The following NT5DC1 variants were observed in gnomAD, a reference collection of about 807,000 sequenced individuals.
NT5DC1 encodes 5'-nucleotidase domain containing 1, also known as 5'-nucleotidase domain-containing protein 1.
In NT5DC1, 42 loss-of-function variants were observed where a neutral mutation model predicts 59.4. The ratio of observed to expected loss-of-function variants is 0.71; its 90% CI spans 0.55 to 0.92. NT5DC1 has a LOEUF of 0.92. NT5DC1 is among the 40% of genes least tolerant of loss of function. The pLI is 0.00. For synonymous variants in NT5DC1, 172 were observed against 188.1 expected (o/e 0.91, Z 0.70); for missense variants, 501 against 537.1 (o/e 0.93, Z 0.66).
intron 6 of NT5DC1, among the ~76,000 whole-genome samples, chr6:116,198,954 T>G (rs1781289303): frequency 6.6e-6 from 1 of 152,024 alleles, no homozygotes; most frequent in South Asian, 2.1e-4. Flanking sequence ...TATTTATTCC[T>G]TTAGCTACCT....
rs950158721 is a variant in NT5DC1 at position 116,249,465 on chromosome 6, A to T, written c.*5441A>T. On this transcript the variant is annotated 3_prime_UTR_variant, in exon 12 of 12. Transcript: ENST00000319550. ...GTAATTGCTGCTATACAGCAAAACT[A>T]TCATTACCGGTAATTAAAGTTGTGA... 6.6e-6 allele frequency: 1 copy of T among 152,240 alleles called. No homozygotes were observed. The highest frequency in any genetic ancestry group is 1.5e-5 in the Non-Finnish European group (1 of 68,036). 9.4% of individuals were successfully genotyped at this position (152,240 alleles called of 1,614,324 possible).
At chr6:116,172,759 T>C (rs1364094556) in intron 6 of NT5DC1, among the ~76,000 whole-genome samples, 1 of 152,246 alleles carries the variant, frequency 6.6e-6, no homozygotes, top group African/African-American at 2.4e-5. Context: ...CTTTATGTAC[T>C]CAGGCATCAA....
chr6:116,133,744 A>G (rs1044542544), intron 6 of NT5DC1, among the ~76,000 whole-genome samples: 1 of 152,204 alleles, frequency 6.6e-6, no homozygotes, highest in Non-Finnish European at 1.5e-5. Flanking sequence ...TCTTCCTGCC[A>G]TCCCTGGTTC....
chr6:116,200,724 G>A (rs187969971), intron 6 of NT5DC1, among the ~76,000 whole-genome samples: 21 of 151,970 alleles, frequency 1.4e-4, no homozygotes, highest in Admixed American at 9.2e-4. Flanking sequence ...TGTCCTTATG[G>A]ATCGTACTTC....
chr6:116,206,066 G>T (rs1422236671), intron 6 of NT5DC1, among the ~76,000 whole-genome samples: 2 of 151,936 alleles, frequency 1.3e-5, no homozygotes, highest in African/African-American at 4.8e-5. Context: ...GAACCACCCT[G>T]CCTCCTGCTC....
rs2024995 is a variant in NT5DC1, at chr6:116,125,235, G to A, written c.529+7290G>A. On this transcript the variant is annotated intron_variant, in intron 6 of 11. Transcript: ENST00000319550. ...AATAATTTGGGCTAATTCAGAAGTT[G>A]GAAAGTAACACCAAAGTTAAATGCA... is the stretch of plus-strand genomic sequence containing the variant. The A allele has an allele frequency of 6.1e-3, 8,086 of 1,332,582 alleles. 393 individuals are homozygous for A. In the African/African-American group the frequency reaches 0.1, roughly 17 times the overall value. 82.5% of individuals were successfully genotyped at this position (1,332,582 alleles called of 1,614,324 possible). A position where few individuals can be genotyped will look rare whatever the true frequency, so the allele number is the denominator to read the frequency against.
intron 6 of NT5DC1, among the ~76,000 whole-genome samples, chr6:116,195,063 A>G (rs1427033761): frequency 6.6e-6 from 1 of 152,064 alleles, no homozygotes; most frequent in East Asian, 1.9e-4. Flanking sequence ...TTTGACTTCT[A>G]GGTAGCATGA....
chr6:116,229,262 A>G (rs1781962953), intron 8 of NT5DC1, among the ~76,000 whole-genome samples: 1 of 152,102 alleles, frequency 6.6e-6, no homozygotes, highest in Non-Finnish European at 1.5e-5. Context: ...CTGTTTTCTC[A>G]GGTTTGTCCT....
intron 6 of NT5DC1, among the ~76,000 whole-genome samples, chr6:116,161,395 A>G (rs150371578): frequency 0.013 from 2,019 of 152,202 alleles, 40 homozygotes; most frequent in African/African-American, 0.044. Context: ...AGATAAAAAT[A>G]AAATTATATA....
At position 116,207,670 on chromosome 6, in the gene NT5DC1, A is replaced by G. The variant is rs935884760; in HGVS notation, c.530-13384A>G. The stretch of plus-strand genomic sequence containing the variant: ...CAAAAATAAGACCAAAGAAGAAAAA[A>G]GAGGAATTTAGATGGTTAAAAGCCC... On this transcript the variant is annotated intron_variant, in intron 6 of 11. Coordinates refer to ENST00000319550, the MANE Select transcript of NT5DC1 (RefSeq NM_152729.3). Among the ~76,000 whole-genome samples, 4 of 151,958 alleles carry G rather than the reference A, an allele frequency of 2.6e-5. No homozygotes were observed. In the East Asian group the frequency reaches 5.8e-4, roughly 22 times the overall value.
Position 116,120,481 on chromosome 6 carries a change from C to G in NT5DC1, c.529+2536C>G, listed in dbSNP as rs778694592. The G allele has an allele frequency of 5.6e-6, 9 of 1,614,112 alleles. No homozygotes were observed. In the African/African-American group the frequency reaches 1.2e-4, roughly 22 times the overall value. On this transcript the variant is annotated intron_variant, in intron 6 of 11. Transcript: ENST00000319550. ...AAGCAGACACAGGCATTCCTGTTAC[C>G]CCCTGGTTGGCACTAACAAGAGGGG...
At chr6:116,236,400 G>A (rs1047861851) in intron 8 of NT5DC1, among the ~76,000 whole-genome samples, 5 of 152,168 alleles carry the variant, frequency 3.3e-5, no homozygotes, top group Non-Finnish European at 7.4e-5. Flanking sequence ...GGAGTAGGAA[G>A]GTAATGTGCT....
chr6:116,151,185 C>T lies in NT5DC1; in HGVS notation c.529+33240C>T, dbSNP rs73772289. The stretch of plus-strand genomic sequence containing the variant: ...GCTATCTAGCCCATATTCCTGCCAA[C>T]TTCAGTGCCTGCACCATCACTTATA... On this transcript the variant is annotated intron_variant, in intron 6 of 11. Coordinates refer to ENST00000319550, the MANE Select transcript of NT5DC1 (RefSeq NM_152729.3). Among the ~76,000 whole-genome samples the T allele has an allele frequency of 2.0e-3, 304 of 152,288 alleles. 1 individual carries two copies. Among genetic ancestry groups the T allele is most frequent in the African/African-American group, 7.2e-3 (298 of 41,544 alleles).
intron 8 of NT5DC1, among the ~76,000 whole-genome samples, chr6:116,224,207 A>G (rs1781864617): frequency 6.6e-6 from 1 of 152,212 alleles, no homozygotes; most frequent in Non-Finnish European, 1.5e-5. Context: ...TGGATTTAAT[A>G]CATTTATTTA....
In NT5DC1 at chr6:116,120,029, G is replaced by A. The variant is rs776184559; in HGVS notation, c.529+2084G>A. The A allele has an allele frequency of 1.2e-5, 19 of 1,525,856 alleles. No homozygotes were observed. In the Admixed American group the frequency reaches 3.0e-4, roughly 24 times the overall value. 94.5% of individuals were successfully genotyped at this position (1,525,856 alleles called of 1,614,324 possible). ...TTTTGTAGGGTGGGGTAGAGTTAGA[G>A]AATGCTTTTTCTAGCACAAGATTTA... On this transcript the variant is annotated intron_variant, in intron 6 of 11. Transcript: ENST00000319550.
intron 8 of NT5DC1, among the ~76,000 whole-genome samples, chr6:116,230,322 A>G (rs999652986): frequency 1.1e-4 from 16 of 152,240 alleles, no homozygotes; most frequent in Admixed American, 2.6e-4. Flanking sequence ...TCCTAAGGCT[A>G]ATTGTACAGT....
At chr6:116,159,948 T>TGTCCAAAAAAAC (rs1780289249) in intron 6 of NT5DC1, among the ~76,000 whole-genome samples, 1 of 152,230 alleles carries the variant, frequency 6.6e-6, no homozygotes, top group Non-Finnish European at 1.5e-5. Flanking sequence ...CACAATTTCA[T>TGTCCAAAAAAAC]TACTTTTTAT....
At chr6:116,227,476 T>C (rs1781932747) in intron 8 of NT5DC1, among the ~76,000 whole-genome samples, 1 of 152,218 alleles carries the variant, frequency 6.6e-6, no homozygotes, top group Non-Finnish European at 1.5e-5. Flanking sequence ...TTTGCATATA[T>C]ACTCAGTATT....
intron 6 of NT5DC1, among the ~76,000 whole-genome samples, chr6:116,151,501 C>T (rs1780037016): frequency 6.6e-6 from 1 of 152,074 alleles, no homozygotes; most frequent in Admixed American, 6.6e-5. Context: ...ATACATTGAG[C>T]ACTTACATGC....
Sources: gnomAD v4.1 joint callset for allele counts (sites outside exome capture counted in the v4.1 genomes callset) on GRCh38, gnomAD v4.1.1 for gene constraint, MANE v1.5 for transcripts, NCBI Gene and HGNC (gene_info 2026-07-23, HGNC 2026-07-21) for gene names.